The following SLC16A1 variants were observed in gnomAD, a reference collection of about 807,000 sequenced individuals.
The protein encoded by SLC16A1 is solute carrier family 16 member 1, also known as monocarboxylate transporter 1.
Under a neutral mutation model 32.2 loss-of-function variants are expected in SLC16A1, and 11 were observed. The observed-to-expected ratio is 0.34, with a 90% CI of 0.21 to 0.56. The LOEUF (loss-of-function observed/expected upper bound fraction) is 0.56. Among genes scored for constraint, SLC16A1 ranks in the 20% least tolerant of loss-of-function variants. The pLI is 0.87. For missense variants in SLC16A1, 435 were observed against 615.0 expected (o/e 0.71, Z 3.10); for synonymous variants, 231 against 226.8 (o/e 1.02, Z -0.17).
At chr1:112,949,058 G>A (rs369321081) in intron 1 of SLC16A1, among the ~76,000 whole-genome samples, 52 of 151,554 alleles carry the variant, frequency 3.4e-4, no homozygotes, top group African/African-American at 4.4e-4. Flanking sequence ...GGGTTTCACC[G>A]TGTTGGCCAG....
intron 1 of SLC16A1, among the ~76,000 whole-genome samples, chr1:112,942,306 G>T (rs949946805): frequency 1.3e-5 from 2 of 152,130 alleles, no homozygotes; most frequent in Non-Finnish European, 1.5e-5. Flanking sequence ...AATGACTTTT[G>T]GTGAAGAATC....
chr1:112,954,997 G>GA (rs995844840), intron 1 of SLC16A1, among the ~76,000 whole-genome samples: 26 of 149,708 alleles, frequency 1.7e-4, no homozygotes, highest in African/African-American at 5.6e-4. Flanking sequence ...AGTAATTTTT[G>GA]AAAAAAAAAT....
At chr1:112,953,241 A>C (rs1649960972) in intron 1 of SLC16A1, among the ~76,000 whole-genome samples, 1 of 145,874 alleles carries the variant, frequency 6.9e-6, no homozygotes, top group Admixed American at 7.2e-5. Flanking sequence ...TTTTCATTGC[A>C]GCCTCCACCT....
chr1:112,919,169 T>C (rs957967899), intron 3 of SLC16A1, among the ~76,000 whole-genome samples: 10 of 151,920 alleles, frequency 6.6e-5, no homozygotes, highest in Non-Finnish European at 1.2e-4. Context: ...TAGCTGGGAC[T>C]ACAGGCGCCC....
At chr1:112,946,749 C>T (rs956587710) in intron 1 of SLC16A1, among the ~76,000 whole-genome samples, 2 of 152,106 alleles carry the variant, frequency 1.3e-5, no homozygotes, top group Admixed American at 6.5e-5. Context: ...AAAGGGGTTT[C>T]GCCATGTTGG....
At chr1:112,920,481 C>T (rs1236101924) in intron 3 of SLC16A1, among the ~76,000 whole-genome samples, 1 of 152,150 alleles carries the variant, frequency 6.6e-6, no homozygotes, top group Non-Finnish European at 1.5e-5. Context: ...TAGCGGGCGC[C>T]TGTAATCCCG....
intron 2 of SLC16A1, among the ~76,000 whole-genome samples, chr1:112,926,691 T>C (rs543289390): frequency 6.6e-6 from 1 of 152,002 alleles, no homozygotes; most frequent in South Asian, 2.1e-4. Context: ...CTTGGCAACA[T>C]TGCAACAACC....
chr1:112,932,763 C>T (rs1649179281), intron 1 of SLC16A1, among the ~76,000 whole-genome samples: 1 of 129,212 alleles, frequency 7.7e-6, no homozygotes, highest in East Asian at 2.4e-4. Flanking sequence ...CATTGCACTC[C>T]AGCCTGGGTG....
intron 2 of SLC16A1, chr1:112,924,011 C>T: frequency 7.2e-7 from 1 of 1,381,876 alleles, no homozygotes; most frequent in Non-Finnish European, 1.0e-6. Context: ...AGCCCATGGG[C>T]CGCTTCTTTG....
At position 112,917,621 on chromosome 1, in the gene SLC16A1, C is replaced by G. The variant is rs1292102252; in HGVS notation, c.785G>C (p.Gly262Ala). Residue 262 changes from glycine to alanine, a missense_variant, in exon 4 of 5, where the codon GGC (glycine) becomes GCC (alanine). By Grantham distance (60) the Gly-to-Ala change is moderately conservative. This residue lies in a region of SLC16A1 where 324 missense variants were observed against 500.3 expected (regional missense o/e 0.65). Coordinates refer to ENST00000369626, the MANE Select transcript of SLC16A1 (RefSeq NM_003051.4). The surrounding 1 kb of genome is among the most constrained non-coding windows in gnomAD (Gnocchi z 4.1). ...ATTTCCAGAGAGGTATAGCAAAAAG[C>G]CTCTGTGGGTGAATAGGGTTAAGTC... ...FLDLTLFTHRGFLLYLSGNVI... is the reference protein window; with the variant it reads ...FLDLTLFTHRAFLLYLSGNVI... 3 of 1,614,084 alleles carry G rather than the reference C, an allele frequency of 1.9e-6. No individual in the cohort carries two copies. Among genetic ancestry groups the G allele is most frequent in the Non-Finnish European group, 2.5e-6 (3 of 1,180,044 alleles).
intron 4 of SLC16A1, among the ~76,000 whole-genome samples, chr1:112,916,220 T>C (rs1216536): frequency 0.99 from 148,581 of 149,864 alleles, 73,660 homozygotes; most frequent in Middle Eastern, 1. Context: ...AATTTATGGA[T>C]CAGGCATGGT....
intron 2 of SLC16A1, chr1:112,923,422 C>G: frequency 1.5e-6 from 1 of 667,588 alleles, no homozygotes; most frequent in Non-Finnish European, 2.8e-6. Context: ...TTGCCGCCAT[C>G]ATGTCCCGGC....
intron 2 of SLC16A1, among the ~76,000 whole-genome samples, chr1:112,924,571 AAAC>A (rs1648867439): frequency 6.6e-6 from 1 of 152,232 alleles, no homozygotes; most frequent in Admixed American, 6.5e-5. Flanking sequence ...TTTATAAAGA[AAAC>A]AAACAAACAA....
intron 1 of SLC16A1, among the ~76,000 whole-genome samples, chr1:112,938,835 A>T (rs1444753078): frequency 1.3e-5 from 2 of 151,968 alleles, no homozygotes; most frequent in African/African-American, 4.8e-5. Context: ...ACAGTTTAAA[A>T]TTATTTACAT....
At position 112,929,150 on chromosome 1, in the gene SLC16A1, G is replaced by C. The variant is rs994796760; in HGVS notation, c.159C>G (p.Ala53=). 1.7e-5 allele frequency: 27 copies of C among 1,613,886 alleles called. No individual in the cohort carries two copies. Among genetic ancestry groups the C allele is most frequent in the Admixed American group, 1.3e-4 (8 of 59,952 alleles). The change falls in exon 2 of 5, where the codon GCC becomes GCG. Residue 53 remains alanine (A), a synonymous_variant. Coordinates refer to ENST00000369626, the MANE Select transcript of SLC16A1 (RefSeq NM_003051.4). The stretch of plus-strand genomic sequence containing the variant: ...ATATCCATGACACTTCGCTGGTGGT[G>C]GCATGGAATATACCTTCAATCTCTT... The part of the protein sequence containing the change: ...FFKEIEGIFH[A]TTSEVSWISS...
chr1:112,941,060 A>C (rs1297848229), intron 1 of SLC16A1, among the ~76,000 whole-genome samples: 1 of 152,154 alleles, frequency 6.6e-6, no homozygotes, highest in Non-Finnish European at 1.5e-5. Context: ...AGAGGGGCAA[A>C]GGGTTGAAAA....
intron 1 of SLC16A1, among the ~76,000 whole-genome samples, chr1:112,930,106 A>T (rs1481799150): frequency 1.3e-5 from 2 of 152,178 alleles, no homozygotes; most frequent in African/African-American, 4.8e-5. Context: ...AAATTAATCA[A>T]ACCCAAGGAG....
At chr1:112,919,536 CCT>C (rs1263249850) in intron 3 of SLC16A1, among the ~76,000 whole-genome samples, 1 of 151,958 alleles carries the variant, frequency 6.6e-6, no homozygotes, top group African/African-American at 2.4e-5. Context: ...GCAGTGTGGC[CCT>C]GTTTCAGGAA....
intron 1 of SLC16A1, among the ~76,000 whole-genome samples, chr1:112,935,471 T>C (rs1377886848): frequency 2.0e-5 from 3 of 152,146 alleles, no homozygotes; most frequent in Non-Finnish European, 4.4e-5. Flanking sequence ...TGTAGCTATA[T>C]ACAGAGTCAG....
Sources: gnomAD v4.1 joint callset for allele counts (sites outside exome capture counted in the v4.1 genomes callset) on GRCh38, gnomAD v4.1.1 for gene constraint, gnomAD v4.1.1 regional missense constraint, Gnocchi (gnomAD v3.1) non-coding constraint, MANE v1.5 for transcripts, NCBI Gene and HGNC (gene_info 2026-07-23, HGNC 2026-07-21) for gene names.